The following GPBP1 variants were observed in gnomAD, a reference collection of about 807,000 sequenced individuals.
GPBP1 encodes vasculin.
A neutral mutation model predicts 56.5 loss-of-function variants in GPBP1; 13 were observed. The observed-to-expected ratio is 0.23, with a 90% CI of 0.15 to 0.37. GPBP1 has a LOEUF of 0.37. GPBP1 is among the 10% of genes least tolerant of loss of function. The probability of loss-of-function intolerance (pLI) is 1.00; values close to 1 mark genes in which losing one functional copy is unlikely to be tolerated. For missense variants in GPBP1, 477 were observed against 572.3 expected, an observed-to-expected ratio of 0.83 and a Z score of 1.70; for synonymous variants, 204 against 188.9, an observed-to-expected ratio of 1.08 and a Z score of -0.66.
chr5:57,190,003 A>G (rs1754449774), intron 2 of GPBP1, among the ~76,000 whole-genome samples: 1 of 152,146 alleles, frequency 6.6e-6, no homozygotes, highest in South Asian at 2.1e-4. Flanking sequence ...TATTTCACTT[A>G]AAGCACAGCT....
intron 2 of GPBP1, among the ~76,000 whole-genome samples, chr5:57,197,044 A>G (rs1311060035): frequency 4.0e-5 from 6 of 151,616 alleles, no homozygotes; most frequent in East Asian, 3.9e-4. Context: ...AGCCTCCCAC[A>G]GTGCTGGGAT....
intron 1 of GPBP1, among the ~76,000 whole-genome samples, chr5:57,174,590 G>GCTGA (rs1394769936): frequency 3.9e-5 from 6 of 152,130 alleles, no homozygotes; most frequent in Non-Finnish European, 7.4e-5. Context: ...CCTTCTCAGG[G>GCTGA]CTGAGGGAGT....
At chr5:57,184,996 T>C (rs755640345) in intron 2 of GPBP1, among the ~76,000 whole-genome samples, 1 of 152,242 alleles carries the variant, frequency 6.6e-6, no homozygotes, top group Non-Finnish European at 1.5e-5. Context: ...TTCTCTTGTG[T>C]GGTTATACCA....
At chr5:57,246,844 T>A (rs919083469) in intron 7 of GPBP1, among the ~76,000 whole-genome samples, 23 of 152,236 alleles carry the variant, frequency 1.5e-4, no homozygotes, top group African/African-American at 5.5e-4. Flanking sequence ...CCCAACTTTA[T>A]GTAGCTTTGG....
intron 9 of GPBP1, 34 bp from the exon 10 acceptor site, chr5:57,250,920 T>C (rs781720760): frequency 6.0e-6 from 8 of 1,325,362 alleles, no homozygotes; most frequent in Non-Finnish European, 8.2e-6. Flanking sequence ...GTAGAACTCA[T>C]TCTTTTTTTT....
At chr5:57,235,919 A>G in intron 5 of GPBP1, 47 bp from the exon 6 acceptor site, 2 of 1,350,626 alleles carry the variant, frequency 1.5e-6, no homozygotes, top group South Asian at 1.2e-5. Context: ...TTGGTTTTAA[A>G]TGATTTATTT....
chr5:57,237,691 C>A (rs750247568), intron 6 of GPBP1, among the ~76,000 whole-genome samples: 2 of 152,120 alleles, frequency 1.3e-5, no homozygotes, highest in Admixed American at 1.3e-4. Context: ...CACTTTCCCC[C>A]CTGGGTTCCC....
Position 57,176,044 on chromosome 5 carries a change from A to G in GPBP1, c.-414A>G. The G allele has an allele frequency of 2.5e-6, 1 of 398,400 alleles. No individual in the cohort carries two copies. Among genetic ancestry groups the G allele is most frequent in the Non-Finnish European group, 4.4e-6 (1 of 226,004 alleles). The allele number at this position is 398,400 out of a possible 1,614,324, so 24.7% of individuals were successfully genotyped here. ...GCTATGTGTGTCTCTGTATATGCTG[A>G]TGTTTAGGAATGCTCTTCAGATGTG... On this transcript the variant is annotated 5_prime_UTR_variant, in exon 2 of 12. An upstream start codon of the reference 5' UTR is lost. Transcript: ENST00000506184.
intron 6 of GPBP1, 93 bp downstream of exon 6, chr5:57,236,125 A>G (rs1185554808): frequency 1.3e-6 from 1 of 793,472 alleles, no homozygotes; most frequent in East Asian, 2.5e-5. Flanking sequence ...AGCAGGCTAG[A>G]ATAAAACTTT....
At chr5:57,214,998 A>G (rs1755643848) in intron 3 of GPBP1, among the ~76,000 whole-genome samples, 1 of 152,222 alleles carries the variant, frequency 6.6e-6, no homozygotes, top group Non-Finnish European at 1.5e-5. Flanking sequence ...TTATTACACC[A>G]TCAGCGTACA....
At chr5:57,216,972 G>A (rs959517127) in intron 3 of GPBP1, among the ~76,000 whole-genome samples, 7 of 151,672 alleles carry the variant, frequency 4.6e-5, no homozygotes, top group African/African-American at 1.7e-4. Flanking sequence ...AAGGAATGTT[G>A]ATTTAACTTA....
Position 57,262,718 on chromosome 5 carries a change from G to A in GPBP1, c.1388G>A (p.Ser463Asn), listed in dbSNP as rs1305206687. 1 of 1,613,832 alleles carries A rather than the reference G, an allele frequency of 6.2e-7. No individual in the cohort carries two copies. The stretch of plus-strand genomic sequence containing the variant: ...ACTGAGAATGATGACACAGAGACAA[G>A]TAGCAGTGATACATCAGATGACGAC... The part of the protein sequence containing the change: ...PTTENDDTET[S>N]SSDTSDDDDV Residue 463 changes from serine (S) to asparagine (N), a missense_variant, in exon 12 of 12, where the codon AGT becomes AAT. Coordinates refer to ENST00000506184, the MANE Select transcript of GPBP1 (RefSeq NM_022913.4).
chr5:57,196,198 T>C (rs1332231306), intron 2 of GPBP1, among the ~76,000 whole-genome samples: 2 of 152,004 alleles, frequency 1.3e-5, no homozygotes, highest in Admixed American at 6.6e-5. Flanking sequence ...AGCCAAGGAC[T>C]CTCTTTTTGG....
intron 3 of GPBP1, among the ~76,000 whole-genome samples, chr5:57,225,085 G>C (rs1251608674): frequency 6.6e-6 from 1 of 152,096 alleles, no homozygotes; most frequent in Non-Finnish European, 1.5e-5. Flanking sequence ...CACAGCTCTT[G>C]TACTTTAAAG....
intron 2 of GPBP1, among the ~76,000 whole-genome samples, chr5:57,186,043 T>C (rs1457606857): frequency 6.6e-6 from 1 of 152,166 alleles, no homozygotes; most frequent in Non-Finnish European, 1.5e-5. Flanking sequence ...AAATAATTTC[T>C]CTCAGACTGT....
intron 6 of GPBP1, among the ~76,000 whole-genome samples, chr5:57,237,755 C>T (rs973940083): frequency 7.9e-5 from 12 of 151,628 alleles, no homozygotes; most frequent in African/African-American, 2.4e-4. Context: ...CTGAGGAAGA[C>T]GAGAATTTTA....
chr5:57,178,368 G>C (rs1212727719), intron 2 of GPBP1, among the ~76,000 whole-genome samples: 1 of 151,862 alleles, frequency 6.6e-6, no homozygotes, highest in Non-Finnish European at 1.5e-5. Flanking sequence ...CCTCAGCCTC[G>C]CCAGTAGCTT....
At chr5:57,190,574 A>T (rs1754476284) in intron 2 of GPBP1, among the ~76,000 whole-genome samples, 2 of 148,834 alleles carry the variant, frequency 1.3e-5, no homozygotes, top group Admixed American at 6.8e-5. Context: ...ACAGAGCAAG[A>T]CTCCATCTCA....
At chr5:57,202,315 T>G (rs1468647173) in intron 2 of GPBP1, among the ~76,000 whole-genome samples, 1 of 151,752 alleles carries the variant, frequency 6.6e-6, no homozygotes, top group Non-Finnish European at 1.5e-5. Flanking sequence ...TGAGATGGAG[T>G]TTCACTCTTG....
Sources: gnomAD v4.1 joint callset for allele counts (sites outside exome capture counted in the v4.1 genomes callset) on GRCh38, gnomAD v4.1.1 for gene constraint, MANE v1.5 for transcripts, NCBI Gene and HGNC (gene_info 2026-07-23, HGNC 2026-07-21) for gene names.